Variants in ZBTB7C observed in about 807,000 individuals in gnomAD.
The protein encoded by ZBTB7C is zinc finger and BTB domain containing 7C, also known as zinc finger and BTB domain-containing protein 7C.
ZBTB7C carries 8 observed loss-of-function variants against 25.7 expected under a neutral mutation model. That is an observed-to-expected ratio of 0.31 (90% CI 0.18 to 0.56). ZBTB7C has a LOEUF of 0.56. Ranked by LOEUF, ZBTB7C falls within the 20% of genes least tolerant of loss-of-function variation. The pLI is 0.91. For synonymous variants in ZBTB7C, 394 were observed against 369.0 expected (o/e 1.07, Z -0.78); for missense variants, 824 against 855.2 (o/e 0.96, Z 0.46).
At chr18:48,077,336 G>C (rs1015786667) in intron 3 of ZBTB7C, among the ~76,000 whole-genome samples, 1 of 152,172 alleles carries the variant, frequency 6.6e-6, no homozygotes, top group Non-Finnish European at 1.5e-5. Flanking sequence ...AGTGGAGGGG[G>C]TAATGAAGGT....
At chr18:48,083,602 C>CT (rs2038075339) in intron 3 of ZBTB7C, among the ~76,000 whole-genome samples, 1 of 152,184 alleles carries the variant, frequency 6.6e-6, no homozygotes, top group African/African-American at 2.4e-5. Context: ...TCACAGAGCC[C>CT]TGTTTCCATA....
chr18:48,361,960 A>G (rs1457312843), intron 1 of ZBTB7C, among the ~76,000 whole-genome samples: 1 of 152,190 alleles, frequency 6.6e-6, no homozygotes, highest in Non-Finnish European at 1.5e-5. Context: ...GTGTAACTCC[A>G]GCGTTACCTG....
intron 2 of ZBTB7C, among the ~76,000 whole-genome samples, chr18:48,188,622 A>T (rs2042119910): frequency 6.6e-6 from 1 of 152,138 alleles, no homozygotes; most frequent in African/African-American, 2.4e-5. Flanking sequence ...TCAGACAGAG[A>T]GAGGGGTCTG....
chr18:48,249,148 A>G (rs2043776663), intron 2 of ZBTB7C, among the ~76,000 whole-genome samples: 1 of 152,256 alleles, frequency 6.6e-6, no homozygotes, highest in South Asian at 2.1e-4. Context: ...AAGCTAGTAG[A>G]TTCATTCCAG....
chr18:48,110,332 C>A (rs201834258), intron 3 of ZBTB7C, among the ~76,000 whole-genome samples: 37,540 of 151,950 alleles, frequency 0.25, 5,142 homozygotes, highest in African/African-American at 0.36. Flanking sequence ...CCTACCCCCC[C>A]ACCTGGTTCA....
At chr18:48,051,735 G>T (rs2036694486) in intron 3 of ZBTB7C, among the ~76,000 whole-genome samples, 2 of 152,152 alleles carry the variant, frequency 1.3e-5, no homozygotes, top group African/African-American at 2.4e-5. Context: ...ACAAAGTGAG[G>T]GCTCGTTTCA....
chr18:48,372,231 ATGCTT>A (rs1364503846), intron 1 of ZBTB7C, among the ~76,000 whole-genome samples: 1 of 152,132 alleles, frequency 6.6e-6, no homozygotes, highest in Non-Finnish European at 1.5e-5. Context: ...CCCTGCCTCT[ATGCTT>A]GAAGCCCTCT....
rs148027266 is a variant in ZBTB7C, at chr18:48,268,011, T to C, written c.-79+70163A>G. On this transcript the variant is annotated intron_variant, in intron 2 of 4. Coordinates refer to ENST00000590800, the MANE Select transcript of ZBTB7C (RefSeq NM_001318841.2). ...CTTCTAAATGTCTCTGTCTCACAGA[T>C]GTGAATTGCAAGTACTCTCCATAGG... 5.0e-3 allele frequency among the ~76,000 whole-genome samples: 769 copies of C among 152,312 alleles called. 4 individuals carry two copies. The highest frequency in any genetic ancestry group is 8.4e-3 in the Non-Finnish European group (573 of 68,038).
In ZBTB7C at chr18:48,029,581, C is replaced by G; in HGVS notation, c.1539G>C (p.Glu513Asp). 9 of 1,488,516 alleles carry G rather than the reference C, an allele frequency of 6.0e-6. No homozygotes were observed. Among genetic ancestry groups the G allele is most frequent in the Non-Finnish European group, 7.1e-6 (8 of 1,133,496 alleles). The allele number at this position is 1,488,516 out of a possible 1,614,324, so 92.2% of individuals were successfully genotyped here. The change falls in exon 5 of 5, where the codon GAG becomes GAC. Residue 513 changes from glutamate (E) to aspartate (D), a missense_variant. Physicochemically the swap from Glu to Asp is conservative, Grantham distance 45. Around this residue, in one of 4 missense-constraint regions of ZBTB7C, gnomAD observed 342 missense variants for 307.0 expected, o/e 1.11. Transcript: ENST00000590800. ...CTGCGCCGCCCAGGTGGCCGCCCAC[C>G]TCGCCCAGCGCAGGGGGCATCACGA... ...AAFVMPPALG[E>D]VGGHLGGAAV...
intron 3 of ZBTB7C, among the ~76,000 whole-genome samples, chr18:48,094,489 C>T (rs1251515368): frequency 6.6e-6 from 1 of 152,152 alleles, no homozygotes; most frequent in African/African-American, 2.4e-5. Flanking sequence ...AGGATGATCA[C>T]TCTGGACATC....
chr18:48,318,209 CA>C (rs1395062598), intron 2 of ZBTB7C, among the ~76,000 whole-genome samples: 1 of 146,256 alleles, frequency 6.8e-6, no homozygotes, highest in Non-Finnish European at 1.5e-5. Context: ...AAAAACAAAA[CA>C]AAACAAAAAA....
intron 1 of ZBTB7C, chr18:48,408,790 GA>G (rs2048340275): frequency 6.6e-6 from 1 of 151,522 alleles, no homozygotes; most frequent in Non-Finnish European, 1.5e-5. Flanking sequence ...AGGCGCCGCC[GA>G]GCCCCGGGCC....
intron 2 of ZBTB7C, among the ~76,000 whole-genome samples, chr18:48,224,942 C>T (rs182411451): frequency 6.6e-6 from 1 of 152,334 alleles, no homozygotes; most frequent in African/African-American, 2.4e-5. Context: ...TCCATCCAAA[C>T]TGCTAGAATA....
chr18:48,137,615 CTT>C (rs2040216113), intron 3 of ZBTB7C, among the ~76,000 whole-genome samples: 1 of 152,146 alleles, frequency 6.6e-6, no homozygotes, highest in African/African-American at 2.4e-5. Context: ...GTGAGTGTAA[CTT>C]AACCAAATCA....
chr18:48,386,347 A>G (rs183641384), intron 1 of ZBTB7C, among the ~76,000 whole-genome samples: 2 of 152,360 alleles, frequency 1.3e-5, no homozygotes, highest in East Asian at 3.9e-4. Context: ...CCACAGGGGA[A>G]GAACATGCAC....
chr18:48,058,609 T>C (rs544353492), intron 3 of ZBTB7C, among the ~76,000 whole-genome samples: 8 of 152,318 alleles, frequency 5.3e-5, no homozygotes, highest in Admixed American at 4.6e-4. Context: ...GCTATGTGAC[T>C]TCAGAGAGTG....
intron 2 of ZBTB7C, among the ~76,000 whole-genome samples, chr18:48,263,267 G>A (rs1338778725): frequency 1.3e-5 from 2 of 152,182 alleles, no homozygotes; most frequent in Non-Finnish European, 2.9e-5. Flanking sequence ...GGATCTTTCT[G>A]TCCTCTGGGC....
intron 3 of ZBTB7C, among the ~76,000 whole-genome samples, chr18:48,106,718 C>T (rs997156318): frequency 6.6e-6 from 1 of 152,026 alleles, no homozygotes; most frequent in Non-Finnish European, 1.5e-5. Context: ...AAAAAAATAA[C>T]CCCCAGGCAA....
chr18:48,040,077 C>A lies in ZBTB7C; in HGVS notation c.1031G>T (p.Gly344Val). 6.2e-7 allele frequency: 1 copy of A among 1,612,482 alleles called. No individual in the cohort carries two copies. Among genetic ancestry groups the A allele is most frequent in the Non-Finnish European group, 8.5e-7 (1 of 1,179,154 alleles). The change falls in exon 4 of 5, where the codon GGA (glycine) becomes GTA (valine). Residue 344 changes from glycine to valine, a missense_variant. Physicochemically the swap from Gly to Val is moderately radical, Grantham distance 109. Coordinates refer to ENST00000590800, the MANE Select transcript of ZBTB7C (RefSeq NM_001318841.2). ...CAGGGGCCAGGGTGGGAAGAGGCCT[C>A]CCAGGTGGGTGGCACTCAGGAAGTT... The part of the protein sequence containing the change: ...YLNFLSATHL[G>V]GLFPPWPLVE...
Sources: allele counts gnomAD v4.1 joint callset (sites outside exome capture counted in the v4.1 genomes callset), GRCh38; gene constraint gnomAD v4.1.1; regional missense constraint gnomAD v4.1.1; transcripts MANE v1.5; gene names NCBI Gene and HGNC (gene_info 2026-07-23, HGNC 2026-07-21).